Variants in ADGRL3 observed in about 807,000 individuals in gnomAD.
ADGRL3 encodes the protein calcium-independent alpha-latrotoxin receptor 3.
A neutral mutation model predicts 153.5 loss-of-function variants in ADGRL3; 62 were observed. That is an observed-to-expected ratio of 0.40 (90% CI 0.33 to 0.50). The LOEUF is 0.50. Among genes scored for constraint, ADGRL3 ranks in the 20% least tolerant of loss-of-function variants. ADGRL3 has a pLI of 0.47. For synonymous variants in ADGRL3, 710 were observed against 672.5 expected, an observed-to-expected ratio of 1.06 and a Z score of -0.86; for missense variants, 1,641 against 1,859.4, an observed-to-expected ratio of 0.88 and a Z score of 2.16.
At chr4:61,617,749 A>G (rs759431518) in intron 5 of ADGRL3, among the ~76,000 whole-genome samples, 14 of 152,198 alleles carry the variant, frequency 9.2e-5, no homozygotes, top group Non-Finnish European at 1.6e-4. Context: ...TGTTATTTGC[A>G]TTACTTGAAT....
chr4:62,077,550 C>T lies in ADGRL3; in HGVS notation c.*6642C>T, dbSNP rs1747549325. ...ATGTTTGACAAAGTTAAGTCAGTATCTTCAATGCTTTAACAGTAGGTAGAG... is the reference window on the plus strand; with the variant it reads ...ATGTTTGACAAAGTTAAGTCAGTATTTTCAATGCTTTAACAGTAGGTAGAG... On this transcript the variant is annotated 3_prime_UTR_variant, in exon 27 of 27. Transcript: ENST00000683033. The T allele has an allele frequency of 1.3e-5, 2 of 151,944 alleles. No homozygotes were observed. The highest frequency in any genetic ancestry group is 4.8e-5 in the African/African-American group (2 of 41,414). The allele number at this position is 151,944 out of a possible 1,614,324, so 9.4% of individuals were successfully genotyped here. A position where few individuals can be genotyped will look rare whatever the true frequency, so the allele number is the denominator to read the frequency against.
intron 18 of ADGRL3, among the ~76,000 whole-genome samples, chr4:61,982,348 ATAGTGTT>A (rs2099071360): frequency 6.6e-6 from 1 of 152,182 alleles, no homozygotes; most frequent in Non-Finnish European, 1.5e-5. Context: ...TGCACTCCAC[ATAGTGTT>A]TAGGACCAGC....
At chr4:61,362,475 T>G (rs1349450479) in intron 1 of ADGRL3, among the ~76,000 whole-genome samples, 2 of 152,028 alleles carry the variant, frequency 1.3e-5, no homozygotes, top group African/African-American at 4.8e-5. Context: ...CCTCTAAAAC[T>G]TAACTACCGA....
rs1466577184 is a variant in ADGRL3 at position 62,075,478 on chromosome 4, T to C, written c.*4570T>C. ...TTAGTTTTGAGCAAATCTGAAGATATTGGCATGAATATCCTTTCTTCTCTA... is the reference window on the plus strand; with the variant it reads ...TTAGTTTTGAGCAAATCTGAAGATACTGGCATGAATATCCTTTCTTCTCTA... On this transcript the variant is annotated 3_prime_UTR_variant, in exon 27 of 27. Coordinates refer to ENST00000683033, the MANE Select transcript of ADGRL3 (RefSeq NM_001387552.1). 1 of 152,182 alleles carries C rather than the reference T, an allele frequency of 6.6e-6. No individual in the cohort carries two copies. Among genetic ancestry groups the C allele is most frequent in the African/African-American group, 2.4e-5 (1 of 41,456 alleles). 9.4% of individuals were successfully genotyped at this position (152,182 alleles called of 1,614,324 possible). A position where few individuals can be genotyped will look rare whatever the true frequency, so the allele number is the denominator to read the frequency against.
intron 25 of ADGRL3, among the ~76,000 whole-genome samples, chr4:62,053,383 G>A (rs1735281617): frequency 6.6e-6 from 1 of 151,404 alleles, no homozygotes; most frequent in South Asian, 2.1e-4. Context: ...TATACTACAT[G>A]CCATTTAAAA....
intron 25 of ADGRL3, among the ~76,000 whole-genome samples, chr4:62,062,792 G>A (rs1294203340): frequency 3.9e-5 from 6 of 152,058 alleles, no homozygotes; most frequent in Admixed American, 2.0e-4. Flanking sequence ...AATTATATAT[G>A]TGTATATTGC....
intron 1 of ADGRL3, among the ~76,000 whole-genome samples, chr4:61,272,853 G>T (rs1246868226): frequency 6.6e-6 from 1 of 152,110 alleles, no homozygotes; most frequent in African/African-American, 2.4e-5. Flanking sequence ...CTCTACTAAA[G>T]TAGTATGTTG....
At chr4:61,204,075 G>A (rs1413234853) in intron 1 of ADGRL3, among the ~76,000 whole-genome samples, 1 of 152,108 alleles carries the variant, frequency 6.6e-6, no homozygotes, top group Non-Finnish European at 1.5e-5. Context: ...GGTGTTTGTT[G>A]CAAATACTTG....
intron 2 of ADGRL3, among the ~76,000 whole-genome samples, chr4:61,485,978 C>T (rs1178903381): frequency 1.3e-5 from 2 of 151,564 alleles, no homozygotes; most frequent in African/African-American, 2.4e-5. Context: ...GAGTCTCGCT[C>T]TGTCGCCCCG....
intron 1 of ADGRL3, among the ~76,000 whole-genome samples, chr4:61,285,893 C>G (rs920152870): frequency 2.6e-5 from 4 of 151,684 alleles, no homozygotes; most frequent in African/African-American, 7.2e-5. Flanking sequence ...TTTTTCCCCT[C>G]CAACTCATGC....
intron 3 of ADGRL3, among the ~76,000 whole-genome samples, chr4:61,515,098 A>G (rs2152891393): frequency 6.6e-6 from 1 of 152,260 alleles, no homozygotes; most frequent in East Asian, 1.9e-4. Flanking sequence ...TCTTAAAACT[A>G]AGCTCTTTAC....
At chr4:61,430,810 A>G (rs1363820704) in intron 2 of ADGRL3, among the ~76,000 whole-genome samples, 2 of 152,164 alleles carry the variant, frequency 1.3e-5, no homozygotes, top group Admixed American at 1.3e-4. Flanking sequence ...TGTGAGTGCA[A>G]CACATATCTG....
chr4:61,916,049 T>C (rs192971733), intron 13 of ADGRL3, among the ~76,000 whole-genome samples: 1 of 152,342 alleles, frequency 6.6e-6, no homozygotes, highest in Admixed American at 6.5e-5. Flanking sequence ...TTATCTTTTG[T>C]ATGTTCTGAC....
At chr4:61,790,222 A>G (rs897974850) in intron 8 of ADGRL3, among the ~76,000 whole-genome samples, 6 of 152,174 alleles carry the variant, frequency 3.9e-5, no homozygotes, top group African/African-American at 1.4e-4. Context: ...TATTTTTACT[A>G]TGACATTATT....
intron 6 of ADGRL3, among the ~76,000 whole-genome samples, chr4:61,690,990 A>G (rs2095529963): frequency 6.6e-6 from 1 of 152,198 alleles, no homozygotes; most frequent in Non-Finnish European, 1.5e-5. Context: ...GGGTTCAAAT[A>G]CCAAGTTTGA....
chr4:61,441,719 A>G (rs939396897), intron 2 of ADGRL3, among the ~76,000 whole-genome samples: 9 of 152,202 alleles, frequency 5.9e-5, no homozygotes, highest in Admixed American at 3.3e-4. Context: ...TAAAATATGT[A>G]GATAATTTTA....
chr4:61,541,213 CT>C (rs2098688458), intron 4 of ADGRL3, among the ~76,000 whole-genome samples: 1 of 152,136 alleles, frequency 6.6e-6, no homozygotes, highest in African/African-American at 2.4e-5. Context: ...ATTGCCTAGT[CT>C]TGGTTGTCTT....
At position 61,456,441 on chromosome 4, in the gene ADGRL3, A is replaced by C. The variant is rs535738903; in HGVS notation, c.-173-40680A>C. On this transcript the variant is annotated intron_variant, in intron 2 of 26. Coordinates refer to ENST00000683033, the MANE Select transcript of ADGRL3 (RefSeq NM_001387552.1). ...GATATATCTATATCTATATATATAG[A>C]TATATCTATATCTATATATATAGAT... Among the ~76,000 whole-genome samples, 36 of 124,920 alleles carry C rather than the reference A, an allele frequency of 2.9e-4. 1 individual carries two copies. Among genetic ancestry groups the C allele is most frequent in the African/African-American group, 1.1e-3 (35 of 31,812 alleles). 82.0% of individuals were successfully genotyped at this position (124,920 alleles called of 152,430 possible).
chr4:61,689,521 T>C (rs2095502669), intron 6 of ADGRL3, among the ~76,000 whole-genome samples: 1 of 152,214 alleles, frequency 6.6e-6, no homozygotes, highest in Non-Finnish European at 1.5e-5. Flanking sequence ...TAACAGCCAT[T>C]TGACTTCTCT....
Sources: allele counts gnomAD v4.1 joint callset (sites outside exome capture counted in the v4.1 genomes callset), GRCh38; gene constraint gnomAD v4.1.1; transcripts MANE v1.5; gene names NCBI Gene and HGNC (gene_info 2026-07-23, HGNC 2026-07-21).